The following SORCS1 variants were observed in gnomAD, a reference collection of about 807,000 sequenced individuals.
The protein encoded by SORCS1 is VPS10 domain-containing receptor SorCS1.
A neutral mutation model predicts 146.1 loss-of-function variants in SORCS1; 60 were observed. That is an observed-to-expected ratio of 0.41 (90% CI 0.33 to 0.51). SORCS1 has a LOEUF of 0.51. Among genes scored for constraint, SORCS1 ranks in the 20% least tolerant of loss-of-function variants. The probability of loss-of-function intolerance (pLI) is 0.21; values close to 1 mark genes in which losing one functional copy is unlikely to be tolerated. For missense variants in SORCS1, 1,352 were observed against 1,487.6 expected, an observed-to-expected ratio of 0.91 and a Z score of 1.50; for synonymous variants, 637 against 584.0, an observed-to-expected ratio of 1.09 and a Z score of -1.31.
At chr10:106,932,194 TA>T (rs1180834728) in intron 2 of SORCS1, among the ~76,000 whole-genome samples, 38 of 152,336 alleles carry the variant, frequency 2.5e-4, no homozygotes, top group African/African-American at 8.7e-4. Flanking sequence ...ACTATAGTAT[TA>T]ATATAGTCTA....
rs574419705 is a variant in SORCS1 at position 106,798,043 on chromosome 10, G to A, written c.727-21351C>T. 7.9e-5 allele frequency among the ~76,000 whole-genome samples: 12 copies of A among 152,272 alleles called. No homozygotes were observed. The East Asian group carries it at 2.3e-3, about 29-fold the overall frequency. On this transcript the variant is annotated intron_variant, in intron 3 of 25. Transcript: ENST00000263054. The stretch of plus-strand genomic sequence containing the variant: ...ATCTCATCTTGAATTCCCATGTACT[G>A]TGGGAGGTACCTGGTGGAAGGTAAT...
chr10:107,164,339 C>G lies in SORCS1; in HGVS notation c.188G>C (p.Gly63Ala). The part of the protein sequence containing the change: ...PRGFSHQGRP[G>A]RAPATPLPLV... ...GGGCAGGGGCGTGGCAGGAGCCCTG[C>G]CTGGCCGCCCCTGGTGGGAAAAGCC... The change falls in exon 1 of 26, where the codon GGC (glycine) becomes GCC (alanine). Residue 63 changes from glycine to alanine, a missense_variant. This residue lies in a region of SORCS1 where 490 missense variants were observed against 489.1 expected (regional missense o/e 1.00). Transcript: ENST00000263054. The surrounding 1 kb of genome is among the most constrained non-coding windows in gnomAD (Gnocchi z 6.8). The G allele has an allele frequency of 6.5e-7, 1 of 1,532,332 alleles. No homozygotes were observed. 94.9% of individuals were successfully genotyped at this position (1,532,332 alleles called of 1,614,324 possible).
Position 106,985,240 on chromosome 10 carries a change from T to C in SORCS1, c.559-28660A>G, listed in dbSNP as rs549123282. 3.3e-4 allele frequency among the ~76,000 whole-genome samples: 50 copies of C among 152,274 alleles called. No homozygotes were observed. The East Asian group carries it at 9.4e-3, about 29-fold the overall frequency. The stretch of plus-strand genomic sequence containing the variant: ...TAAATAAAATAGGGTGAGCAAATCA[T>C]GTAGTCATAGTTCTGTGATTGCCAT... On this transcript the variant is annotated intron_variant, in intron 1 of 25. Coordinates refer to ENST00000263054, the MANE Select transcript of SORCS1 (RefSeq NM_052918.5).
At chr10:106,836,333 G>C (rs1948783879) in intron 2 of SORCS1, among the ~76,000 whole-genome samples, 2 of 151,756 alleles carry the variant, frequency 1.3e-5, no homozygotes, top group South Asian at 4.2e-4. Context: ...AATTAGCCGG[G>C]CATGGTGGTG....
chr10:107,170,044 T>C, the SORCS1 span, among the ~76,000 whole-genome samples: 10 of 152,196 alleles, frequency 6.6e-5, no homozygotes, highest in Middle Eastern at 3.2e-3. Context: ...TATACTATGA[T>C]TAAATAAGTT....
intron 1 of SORCS1, among the ~76,000 whole-genome samples, chr10:107,038,618 A>G (rs911528108): frequency 2.0e-5 from 3 of 151,974 alleles, no homozygotes; most frequent in African/African-American, 4.8e-5. Context: ...AACTGCTTAA[A>G]TTCTCTTTGT....
At chr10:106,856,476 C>T (rs1589564123) in intron 2 of SORCS1, among the ~76,000 whole-genome samples, 1 of 152,202 alleles carries the variant, frequency 6.6e-6, no homozygotes, top group South Asian at 2.1e-4. Context: ...TTGCTTATTT[C>T]CCTTCCCCCT....
chr10:106,784,315 A>T (rs887099003), intron 3 of SORCS1, among the ~76,000 whole-genome samples: 1 of 151,952 alleles, frequency 6.6e-6, no homozygotes, highest in African/African-American at 2.4e-5. Flanking sequence ...GAATGGCATG[A>T]ACCCAGGAGG....
chr10:107,149,811 G>C lies in SORCS1; in HGVS notation c.558+14158C>G, dbSNP rs113202547. Reference sequence around the variant, plus strand: ...CTTAGACATTGAGACAATGAAGAAAGTGTTCAACCAGTCACAGCTTGGTGA... The same window carrying C: ...CTTAGACATTGAGACAATGAAGAAACTGTTCAACCAGTCACAGCTTGGTGA... On this transcript the variant is annotated intron_variant, in intron 1 of 25. Transcript: ENST00000263054. Among the ~76,000 whole-genome samples, 726 of 152,322 alleles carry C rather than the reference G, an allele frequency of 4.8e-3. 7 individuals carry two copies. The highest frequency in any genetic ancestry group is 0.016 in the African/African-American group (675 of 41,558).
intron 1 of SORCS1, among the ~76,000 whole-genome samples, chr10:107,040,725 C>T (rs994172261): frequency 6.6e-6 from 1 of 152,138 alleles, no homozygotes; most frequent in Non-Finnish European, 1.5e-5. Context: ...GTATACTGAA[C>T]ACTTAGCATA....
At chr10:106,652,891 C>T (rs561178541) in intron 17 of SORCS1, among the ~76,000 whole-genome samples, 1 of 152,154 alleles carries the variant, frequency 6.6e-6, no homozygotes, top group Admixed American at 6.5e-5. Flanking sequence ...ACATAGATGG[C>T]TAATCTAGGA....
At chr10:106,891,292 C>A (rs566522622) in intron 2 of SORCS1, among the ~76,000 whole-genome samples, 17 of 152,042 alleles carry the variant, frequency 1.1e-4, no homozygotes, top group African/African-American at 3.9e-4. Context: ...TGCTAATAAC[C>A]GGTGGCCCCT....
Position 106,583,144 on chromosome 10 carries a change from G to A in SORCS1, c.3266-3670C>T, listed in dbSNP as rs78427524. 4.6e-3 allele frequency among the ~76,000 whole-genome samples: 696 copies of A among 152,248 alleles called. 6 individuals carry two copies. The highest frequency in any genetic ancestry group is 0.017 in the Middle Eastern group (5 of 294). On this transcript the variant is annotated intron_variant, in intron 24 of 25. Transcript: ENST00000263054. ...ATTAAAATGAGATGGAATTTATAAA[G>A]TACTGTCATAGTATTTGGGACAGAC...
chr10:106,597,510 G>T, intron 23 of SORCS1, 60 bp from the exon 24 acceptor site: 1 of 1,284,786 alleles, frequency 7.8e-7, no homozygotes, highest in Non-Finnish European at 1.1e-6. Flanking sequence ...AAACCAATAA[G>T]CTTAGAAATA....
chr10:106,624,738 A>C (rs1193777154), intron 19 of SORCS1, among the ~76,000 whole-genome samples: 1 of 152,260 alleles, frequency 6.6e-6, no homozygotes, highest in East Asian at 1.9e-4. Context: ...ATGTGTTTGT[A>C]TAAGTTCACG....
At chr10:106,851,224 T>A (rs1949557204) in intron 2 of SORCS1, among the ~76,000 whole-genome samples, 1 of 152,252 alleles carries the variant, frequency 6.6e-6, no homozygotes, top group South Asian at 2.1e-4. Context: ...TACCCATTTT[T>A]TTCATAGATT....
intron 9 of SORCS1, among the ~76,000 whole-genome samples, chr10:106,692,206 T>C (rs974402711): frequency 3.3e-5 from 5 of 152,088 alleles, no homozygotes; most frequent in Admixed American, 2.0e-4. Context: ...TATGCCCAGC[T>C]AATTTTGGGT....
chr10:106,958,032 G>T (rs889432445), intron 1 of SORCS1, among the ~76,000 whole-genome samples: 2 of 152,124 alleles, frequency 1.3e-5, no homozygotes, highest in Non-Finnish European at 2.9e-5. Flanking sequence ...AACCCTTCCC[G>T]TTACAGCTGC....
chr10:107,167,756 T>A (rs571000494), upstream of SORCS1, among the ~76,000 whole-genome samples: 14 of 152,096 alleles, frequency 9.2e-5, no homozygotes, highest in Non-Finnish European at 2.1e-4. Flanking sequence ...ATACCTATGT[T>A]ATATACAGTT....
Sources: allele counts gnomAD v4.1 joint callset (sites outside exome capture counted in the v4.1 genomes callset), GRCh38; gene constraint gnomAD v4.1.1; regional missense constraint gnomAD v4.1.1; non-coding constraint Gnocchi (gnomAD v3.1); transcripts MANE v1.5; gene names NCBI Gene and HGNC (gene_info 2026-07-23, HGNC 2026-07-21).